Variants in CES4A observed in about 807,000 individuals in gnomAD.
CES4A encodes carboxylesterase 6.
In CES4A, 48 loss-of-function variants were observed where a neutral mutation model predicts 65.4. The observed-to-expected ratio is 0.73, with a 90% CI of 0.58 to 0.93. The LOEUF (loss-of-function observed/expected upper bound fraction) is 0.93. Among genes scored for constraint, CES4A ranks in the 40% least tolerant of loss-of-function variants. CES4A has a pLI of 0.00. For synonymous variants in CES4A, 247 were observed against 281.8 expected (o/e 0.88, Z 1.24); for missense variants, 685 against 728.5 (o/e 0.94, Z 0.69).
chr16:67,001,372 G>C lies in CES4A; in HGVS notation c.601G>C (p.Val201Leu). Residue 201 changes from valine (V) to leucine (L), a missense_variant, in exon 5 of 14, where the codon GTG (valine) becomes CTG (leucine). Coordinates refer to ENST00000648724, the Ensembl canonical transcript of CES4A. The surrounding 1 kb of genome is among the most constrained non-coding windows in gnomAD (Gnocchi z 4.1). ...GGACCAGATGGCGGCTCTGCGCTGGGTGCAGGAGAACATCGCAGCCTTCGG... is the reference window on the plus strand; with the variant it reads ...GGACCAGATGGCGGCTCTGCGCTGGCTGCAGGAGAACATCGCAGCCTTCGG... 6.2e-7 allele frequency: 1 copy of C among 1,613,728 alleles called. No individual in the cohort carries two copies. Among genetic ancestry groups the C allele is most frequent in the South Asian group, 1.1e-5 (1 of 91,078 alleles).
chr16:67,003,128 C>G lies in CES4A; in HGVS notation c.749C>G (p.Ala250Gly). Residue 250 changes from alanine (A) to glycine (G), a missense_variant, in exon 6 of 14, where the codon GCG (alanine) becomes GGG (glycine). Physicochemically the swap from Ala to Gly is moderately conservative, Grantham distance 60 (BLOSUM62 0). Coordinates refer to ENST00000648724, the Ensembl canonical transcript of CES4A. The surrounding 1 kb of genome is among the most constrained non-coding windows in gnomAD (Gnocchi z 4.2). ...CGGGCCATTTCCCAGAGTGGCACCGCGTTATTCAGACTTTTCATCACTAGT... is the reference window on the plus strand; with the variant it reads ...CGGGCCATTTCCCAGAGTGGCACCGGGTTATTCAGACTTTTCATCACTAGT... 6.2e-7 allele frequency: 1 copy of G among 1,614,172 alleles called. No individual in the cohort carries two copies. Among genetic ancestry groups the G allele is most frequent in the South Asian group, 1.1e-5 (1 of 91,086 alleles).
intron 13 of CES4A, 170 bp from the exon 14 acceptor site, chr16:67,008,804 G>T: frequency 1.5e-6 from 1 of 670,930 alleles, no homozygotes. Flanking sequence ...CTGCCTGGAA[G>T]GCCCACCCCA....
chr16:67,006,628 G>A, intron 12 of CES4A, 109 bp downstream of exon 12: 2 of 1,541,094 alleles, frequency 1.3e-6, no homozygotes, highest in South Asian at 2.3e-5. Flanking sequence ...TTCCTAATCT[G>A]TTATGCTCTC....
chr16:67,009,463 A>C (rs1597108710), exon 14 of CES4A: 1 of 226,170 alleles, frequency 4.4e-6, no homozygotes, highest in Non-Finnish European at 8.7e-6. Context: ...AAATCCTCCC[A>C]CCCTTCAATG....
chr16:67,003,142 T>C lies in CES4A; in HGVS notation c.763T>C (p.Phe255Leu), dbSNP rs756640911. Residue 255 changes from phenylalanine to leucine, a missense_variant, in exon 6 of 14, where the codon TTC becomes CTC. Physicochemically the swap from Phe to Leu is conservative, Grantham distance 22 (BLOSUM62 0). Coordinates refer to ENST00000648724, the Ensembl canonical transcript of CES4A. The surrounding 1 kb of genome is among the most constrained non-coding windows in gnomAD (Gnocchi z 4.2). Reference sequence around the variant, plus strand: ...GAGTGGCACCGCGTTATTCAGACTTTTCATCACTAGTAACCCACTGAAAGT... The same window carrying C: ...GAGTGGCACCGCGTTATTCAGACTTCTCATCACTAGTAACCCACTGAAAGT... 8 of 1,614,030 alleles carry C rather than the reference T, an allele frequency of 5.0e-6. No homozygotes were observed. In the Admixed American group the frequency reaches 8.3e-5, roughly 17 times the overall value.
chr16:67,007,016 A>G (rs1965818878), intron 13 of CES4A, 199 bp downstream of exon 13: 5 of 578,274 alleles, frequency 8.6e-6, no homozygotes, highest in Non-Finnish European at 1.5e-5. Flanking sequence ...TTCTTGATCC[A>G]TGACCCACAC....
rs760619631 is a variant in CES4A at position 67,005,390 on chromosome 16, C to T, written c.1312C>T (p.Arg438Ter). The change falls in exon 11 of 14, where the codon CGA becomes TGA. Residue 438 changes from arginine to a stop codon, truncating the protein, a stop_gained. Coordinates refer to ENST00000648724, the Ensembl canonical transcript of CES4A. LOFTEE classifies it high-confidence loss of function. ...CACACTGCAGACTGCTCACTACCAC[C>T]GAGGTATGCAGGGTCCCCAAGAGTG... 1.8e-5 allele frequency: 29 copies of T among 1,613,586 alleles called. No individual in the cohort carries two copies. The African/African-American group carries it at 2.9e-4, about 16-fold the overall frequency.
At chr16:67,007,645 T>C (rs1331058517) in intron 13 of CES4A, 1 of 151,824 alleles carries the variant, frequency 6.6e-6, no homozygotes, top group Non-Finnish European at 1.5e-5. Context: ...TTTTGAGACA[T>C]GGTCTCACTC....
intron 2 of CES4A, among the ~76,000 whole-genome samples, chr16:66,997,462 G>A (rs1351963294): frequency 2.0e-5 from 3 of 152,122 alleles, no homozygotes; most frequent in Admixed American, 6.6e-5. Context: ...GTTTCTGCCT[G>A]GGTAGTTACG....
At chr16:67,002,771 C>A (rs1965456369) in intron 5 of CES4A, among the ~76,000 whole-genome samples, 1 of 152,146 alleles carries the variant, frequency 6.6e-6, no homozygotes, top group Non-Finnish European at 1.5e-5. Context: ...GAGGTCCCTT[C>A]CACCTACCCC....
intron 5 of CES4A, among the ~76,000 whole-genome samples, chr16:67,002,506 G>A (rs897820859): frequency 7.2e-5 from 11 of 152,148 alleles, no homozygotes; most frequent in Non-Finnish European, 1.6e-4. Context: ...GAGTGATCCA[G>A]GAGGCCAAAT....
At chr16:66,995,548 TG>T in intron 1 of CES4A, 79 bp from the exon 2 acceptor site, 1 of 1,252,082 alleles carries the variant, frequency 8.0e-7, no homozygotes, top group Non-Finnish European at 1.2e-6. Context: ...TGGTCCCATT[TG>T]TGGCTGAGTG....
Position 66,993,926 on chromosome 16 carries a change from C to T in CES4A, c.59-1702C>T, listed in dbSNP as rs566708057. Among the ~76,000 whole-genome samples the T allele has an allele frequency of 4.0e-5, 6 of 151,522 alleles. No homozygotes were observed. The South Asian group carries it at 6.3e-4, about 16-fold the overall frequency. ...ACCATTCTGGCTAACATGGTGAAACCGTGTCTCTACTAAAAATACAAAAAA... is the reference window on the plus strand; with the variant it reads ...ACCATTCTGGCTAACATGGTGAAACTGTGTCTCTACTAAAAATACAAAAAA... On this transcript the variant is annotated intron_variant, in intron 1 of 13. Transcript: ENST00000648724.
In CES4A at chr16:67,001,069, T is replaced by TG. The variant is rs1361955615; in HGVS notation, c.536+83dup. On this transcript the variant is annotated intron_variant, in intron 4 of 13. Coordinates refer to ENST00000648724, the Ensembl canonical transcript of CES4A. The surrounding 1 kb of genome is among the most constrained non-coding windows in gnomAD (Gnocchi z 4.1). ...TGGGTGGGAAGGGAGGGGCGGGGCCTGGGGCGGGGATGGGGGGGGTGGGGC... is the reference window on the plus strand; with the variant it reads ...TGGGTGGGAAGGGAGGGGCGGGGCCTGGGGGCGGGGATGGGGGGGGTGGGGC... 3.6e-5 allele frequency: 4 copies of TG among 111,704 alleles called. No individual in the cohort carries two copies. Among genetic ancestry groups the TG allele is most frequent in the East Asian group, 3.6e-4 (2 of 5,596 alleles). 6.9% of individuals were successfully genotyped at this position (111,704 alleles called of 1,614,324 possible). A position where few individuals can be genotyped will look rare whatever the true frequency, so the allele number is the denominator to read the frequency against.
intron 2 of CES4A, among the ~76,000 whole-genome samples, chr16:66,997,081 G>C (rs1176949386): frequency 6.8e-6 from 1 of 147,130 alleles, no homozygotes; most frequent in Non-Finnish European, 1.5e-5. Flanking sequence ...AAAAATAAAA[G>C]CAGGTTGTCC....
Position 67,003,107 on chromosome 16 carries a change from C to T in CES4A, c.728C>T (p.Ala243Val). ...CTAGCCTCGGGTCTCTTCCATCGGG[C>T]CATTTCCCAGAGTGGCACCGCGTTA... Residue 243 changes from alanine to valine, a missense_variant, in exon 6 of 14, where the codon GCC becomes GTC. Physicochemically the swap from Ala to Val is moderately conservative, Grantham distance 64. Coordinates refer to ENST00000648724, the Ensembl canonical transcript of CES4A. The surrounding 1 kb of genome is among the most constrained non-coding windows in gnomAD (Gnocchi z 4.2). The T allele has an allele frequency of 2.5e-6, 4 of 1,614,136 alleles. No individual in the cohort carries two copies. Among genetic ancestry groups the T allele is most frequent in the Non-Finnish European group, 3.4e-6 (4 of 1,180,016 alleles).
Position 67,003,987 on chromosome 16 carries a change from ACCTAGGCTAGAGCAG to A in CES4A, c.940-93_940-79del. On this transcript the variant is annotated intron_variant, in intron 8 of 13. Transcript: ENST00000648724. The surrounding 1 kb of genome is among the most constrained non-coding windows in gnomAD (Gnocchi z 4.2). ...GCCCCAGCCTTTTCCCAATCAAAGA[ACCTAGGCTAGAGCAG>A]CCTCTGAAGGGGCACCCAAGGTTGC... 1 of 1,289,384 alleles carries A rather than the reference ACCTAGGCTAGAGCAG, an allele frequency of 7.8e-7. No individual in the cohort carries two copies. The highest frequency in any genetic ancestry group is 1.1e-6 in the Non-Finnish European group (1 of 904,866). The allele number at this position is 1,289,384 out of a possible 1,614,324, so 79.9% of individuals were successfully genotyped here.
Position 67,000,891 on chromosome 16 carries a change from T to C in CES4A, c.437T>C (p.Val146Ala). 6.2e-7 allele frequency: 1 copy of C among 1,610,214 alleles called. No individual in the cohort carries two copies. Among genetic ancestry groups the C allele is most frequent in the Non-Finnish European group, 8.5e-7 (1 of 1,178,314 alleles). ...TGGTTCCCGGGAGGCGCCTTCATCGTGGGCGCTGCTTCTTCGTACGAGGGC... is the reference window on the plus strand; with the variant it reads ...TGGTTCCCGGGAGGCGCCTTCATCGCGGGCGCTGCTTCTTCGTACGAGGGC... The change falls in exon 4 of 14, where the codon GTG becomes GCG. Residue 146 changes from valine to alanine, a missense_variant. By Grantham distance (64) the Val-to-Ala change is moderately conservative. Transcript: ENST00000648724. The surrounding 1 kb of genome is among the most constrained non-coding windows in gnomAD (Gnocchi z 4.2).
intron 5 of CES4A, among the ~76,000 whole-genome samples, chr16:67,002,312 G>T (rs1214463129): frequency 1.3e-5 from 2 of 152,138 alleles, no homozygotes; most frequent in African/African-American, 4.8e-5. Flanking sequence ...AAAGTGACAT[G>T]ATCAGATGTG....
Sources: gnomAD v4.1 joint callset for allele counts (sites outside exome capture counted in the v4.1 genomes callset) on GRCh38, gnomAD v4.1.1 for gene constraint, Gnocchi (gnomAD v3.1) non-coding constraint, MANE v1.5 for transcripts, NCBI Gene and HGNC (gene_info 2026-07-23, HGNC 2026-07-21) for gene names.